The following RANBP3 variants were observed in gnomAD, a reference collection of about 807,000 sequenced individuals.
RANBP3 encodes RAN binding protein 3.
RANBP3 carries 14 observed loss-of-function variants against 77.3 expected under a neutral mutation model. The ratio of observed to expected loss-of-function variants is 0.18; its 90% CI spans 0.12 to 0.28. The LOEUF (loss-of-function observed/expected upper bound fraction) is 0.28. RANBP3 is among the 10% of genes least tolerant of loss of function. The pLI is 1.00. For synonymous variants in RANBP3, 315 were observed against 312.4 expected (o/e 1.01, Z -0.09); for missense variants, 586 against 752.3 (o/e 0.78, Z 2.59).
intron 2 of RANBP3, among the ~76,000 whole-genome samples, chr19:5,953,588 GGAGA>G (rs1326446025): frequency 6.6e-6 from 1 of 152,146 alleles, no homozygotes; most frequent in Admixed American, 6.5e-5. Flanking sequence ...CAAATGCTCT[GGAGA>G]GAGAGCAACT....
intron 2 of RANBP3, among the ~76,000 whole-genome samples, chr19:5,954,712 A>G (rs2058315368): frequency 6.6e-6 from 1 of 152,206 alleles, no homozygotes; most frequent in Non-Finnish European, 1.5e-5. Flanking sequence ...AGAGCAAGAC[A>G]GGGATGGGTT....
At chr19:5,923,352 G>C in intron 12 of RANBP3, 49 bp from the exon 13 acceptor site, 2 of 1,554,676 alleles carry the variant, frequency 1.3e-6, no homozygotes, top group African/African-American at 1.4e-5. Flanking sequence ...GGCGAGAGGA[G>C]AGCCATCTCC....
chr19:5,933,134 T>TGC (rs1470195638), intron 6 of RANBP3: 1 of 414,122 alleles, frequency 2.4e-6, no homozygotes, highest in African/African-American at 2.1e-5. Flanking sequence ...CTGAACCAAG[T>TGC]GCGCTACTGC....
At chr19:5,950,267 G>A (rs779682108) in intron 3 of RANBP3, among the ~76,000 whole-genome samples, 1 of 152,234 alleles carries the variant, frequency 6.6e-6, no homozygotes, top group South Asian at 2.1e-4. Flanking sequence ...TCCTTCCCGC[G>A]GCTCCCGTGT....
chr19:5,927,699 T>C (rs2057930767), intron 9 of RANBP3, among the ~76,000 whole-genome samples: 1 of 152,222 alleles, frequency 6.6e-6, no homozygotes, highest in Non-Finnish European at 1.5e-5. Context: ...TCACCTTCCC[T>C]GTCCCCGCTA....
At position 5,917,957 on chromosome 19, in the gene RANBP3, C is replaced by A; in HGVS notation, c.1497G>T (p.Gln499His). 1 of 1,602,772 alleles carries A rather than the reference C, an allele frequency of 6.2e-7. No individual in the cohort carries two copies. The highest frequency in any genetic ancestry group is 8.5e-7 in the Non-Finnish European group (1 of 1,172,610). ...TGCGGTGGTGCAGGGCTGCATACAA[C>A]TGACCTGTGTCCTTGGAGCTGGCCT... Reference protein sequence around the residue: ...LISASSKDTGQLYAALHHRIL... With the variant: ...LISASSKDTGHLYAALHHRIL... The change falls in exon 16 of 17, where the codon CAG (glutamine) becomes CAT (histidine). Residue 499 changes from glutamine to histidine, a missense_variant. Around this residue, in one of 5 missense-constraint regions of RANBP3, gnomAD observed 128 missense variants for 157.0 expected, o/e 0.82. Coordinates refer to ENST00000340578, the MANE Select transcript of RANBP3 (RefSeq NM_007322.3).
Position 5,947,767 on chromosome 19 carries a change from G to A in RANBP3, c.282+3626C>T, listed in dbSNP as rs1013204072. On this transcript the variant is annotated intron_variant, in intron 3 of 16. Transcript: ENST00000340578. ...TGCCGGCGGGGTGGGGGCTGGTGGC[G>A]CAACAAGCTCCCCACCGGCAGCCAT... Among the ~76,000 whole-genome samples, 5 of 152,212 alleles carry A rather than the reference G, an allele frequency of 3.3e-5. No individual in the cohort carries two copies. In the South Asian group the frequency reaches 8.3e-4, roughly 25 times the overall value.
chr19:5,925,764 A>T, intron 9 of RANBP3, 27 bp from the exon 10 acceptor site: 1 of 1,136,546 alleles, frequency 8.8e-7, no homozygotes, highest in Non-Finnish European at 1.3e-6. Flanking sequence ...GCGCTCAGTA[A>T]TCGGGGGTGG....
Position 5,923,181 on chromosome 19 carries a change from G to A in RANBP3, c.1209+13C>T, listed in dbSNP as rs747588911. The A allele has an allele frequency of 1.9e-6, 3 of 1,611,836 alleles. No individual in the cohort carries two copies. Among genetic ancestry groups the A allele is most frequent in the East Asian group, 4.5e-5 (2 of 44,848 alleles). ...GAAGACCCAGGGCCACCGAGGAGGG[G>A]CCGGCCCCTCACCTGTAACACATTG... On this transcript the variant is annotated intron_variant, in intron 13 of 16. Transcript: ENST00000340578.
intron 3 of RANBP3, among the ~76,000 whole-genome samples, chr19:5,951,095 T>C (rs920848281): frequency 6.6e-6 from 1 of 152,206 alleles, no homozygotes; most frequent in Admixed American, 6.5e-5. Context: ...AAGGTTCTAC[T>C]TCACATGACT....
chr19:5,927,507 C>A lies in RANBP3; in HGVS notation c.813+461G>T, dbSNP rs2057928354. 2.0e-5 allele frequency among the ~76,000 whole-genome samples: 3 copies of A among 152,258 alleles called. No homozygotes were observed. The South Asian group carries it at 6.2e-4, about 32-fold the overall frequency. Reference sequence around the variant, plus strand: ...GGGTGGGTGGAGGCCAGTGATGCTGCTCAGCACCCTGCAGTGCCCAGGGCG... The same window carrying A: ...GGGTGGGTGGAGGCCAGTGATGCTGATCAGCACCCTGCAGTGCCCAGGGCG... On this transcript the variant is annotated intron_variant, in intron 9 of 16. Coordinates refer to ENST00000340578, the MANE Select transcript of RANBP3 (RefSeq NM_007322.3).
intron 1 of RANBP3, among the ~76,000 whole-genome samples, chr19:5,971,637 T>C (rs951442864): frequency 3.9e-5 from 6 of 152,356 alleles, no homozygotes; most frequent in African/African-American, 1.4e-4. Context: ...GAAAAGGTCT[T>C]GGGGACTGCA....
chr19:5,957,886 CGAAGT>C (rs1374074200), intron 2 of RANBP3, 27 bp downstream of exon 2: 16 of 1,610,188 alleles, frequency 9.9e-6, no homozygotes, highest in Admixed American at 1.7e-5. Flanking sequence ...ATTAGAGTAA[CGAAGT>C]GAAGAGAGAA....
intron 5 of RANBP3, chr19:5,935,893 T>C: frequency 2.3e-6 from 1 of 443,648 alleles, no homozygotes; most frequent in South Asian, 1.6e-5. Context: ...GCCCGACGCC[T>C]GCCACATACC....
chr19:5,963,151 G>A (rs1190435297), intron 1 of RANBP3, among the ~76,000 whole-genome samples: 1 of 152,160 alleles, frequency 6.6e-6, no homozygotes, highest in Non-Finnish European at 1.5e-5. Context: ...AAGTGGTTGG[G>A]TTTTTTGTTT....
At chr19:5,934,378 C>T (rs901021462) in intron 5 of RANBP3, 3 of 152,208 alleles carry the variant, frequency 2.0e-5, no homozygotes, top group Non-Finnish European at 4.4e-5. Context: ...AGCTTCACCC[C>T]CTTGTCAAGC....
At chr19:5,935,958 A>T (rs986531606) in intron 5 of RANBP3, 1 of 352,030 alleles carries the variant, frequency 2.8e-6, no homozygotes, top group Non-Finnish European at 5.9e-6. Context: ...GATGCGCATC[A>T]CTCCAGAGAG....
rs1599710621 is a variant in RANBP3, at chr19:5,917,509, T to C, written c.*101A>G. The C allele has an allele frequency of 7.4e-7, 1 of 1,343,560 alleles. No individual in the cohort carries two copies. The highest frequency in any genetic ancestry group is 9.9e-7 in the Non-Finnish European group (1 of 1,005,410). 83.2% of individuals were successfully genotyped at this position (1,343,560 alleles called of 1,614,324 possible). On this transcript the variant is annotated 3_prime_UTR_variant, in exon 17 of 17. Coordinates refer to ENST00000340578, the MANE Select transcript of RANBP3 (RefSeq NM_007322.3). ...TGGCCGGCCCAGTGGGGTGTGTGGT[T>C]CCCGGCCCCGCACCTGGACGCTGCC...
intron 15 of RANBP3, 41 bp from the exon 16 acceptor site, chr19:5,918,021 C>A: frequency 6.5e-7 from 1 of 1,530,994 alleles, no homozygotes. Context: ...GACCCCAGTC[C>A]TACCCCCTCC....
Sources: gnomAD v4.1 joint callset for allele counts (sites outside exome capture counted in the v4.1 genomes callset) on GRCh38, gnomAD v4.1.1 for gene constraint, gnomAD v4.1.1 regional missense constraint, MANE v1.5 for transcripts, NCBI Gene and HGNC (gene_info 2026-07-23, HGNC 2026-07-21) for gene names.